Variants in CACNA2D3 observed in about 807,000 individuals in gnomAD.
CACNA2D3 encodes the protein voltage-dependent calcium channel subunit alpha-2/delta-3.
In CACNA2D3, 60 loss-of-function variants were observed where a neutral mutation model predicts 160.6. The observed-to-expected ratio is 0.37, with a 90% CI of 0.30 to 0.46. The LOEUF is 0.46. CACNA2D3 is among the 20% of genes least tolerant of loss of function. CACNA2D3 has a pLI of 1.00. For missense variants in CACNA2D3, 1,205 were observed against 1,365.0 expected (o/e 0.88, Z 1.85); for synonymous variants, 558 against 492.9 (o/e 1.13, Z -1.75).
intron 2 of CACNA2D3, among the ~76,000 whole-genome samples, chr3:54,239,579 A>C (rs1268767924): frequency 6.6e-6 from 1 of 152,246 alleles, no homozygotes; most frequent in African/African-American, 2.4e-5. Flanking sequence ...GATCAGAAGA[A>C]GGGAGATCAT....
intron 10 of CACNA2D3, among the ~76,000 whole-genome samples, chr3:54,640,194 G>C (rs1699484970): frequency 6.6e-6 from 1 of 152,224 alleles, no homozygotes; most frequent in Admixed American, 6.5e-5. Flanking sequence ...CTTGGGCTCA[G>C]AGGCCTGACA....
At chr3:55,016,692 T>G (rs1160528635) in intron 34 of CACNA2D3, among the ~76,000 whole-genome samples, 1 of 152,238 alleles carries the variant, frequency 6.6e-6, no homozygotes, top group Non-Finnish European at 1.5e-5. Context: ...TTAATGTCAG[T>G]GACCAGTTAC....
chr3:54,275,728 G>A (rs950891190), intron 2 of CACNA2D3, among the ~76,000 whole-genome samples: 46 of 151,998 alleles, frequency 3.0e-4, no homozygotes, highest in African/African-American at 9.9e-4. Flanking sequence ...AGCAGTTCTC[G>A]TGCCTCAGCC....
intron 25 of CACNA2D3, among the ~76,000 whole-genome samples, chr3:54,894,918 T>C (rs1700154388): frequency 6.6e-6 from 1 of 151,226 alleles, no homozygotes; most frequent in Admixed American, 6.6e-5. Flanking sequence ...GCACAGGGGA[T>C]CTCTGCACTT....
chr3:54,248,337 C>T (rs921399402), intron 2 of CACNA2D3, among the ~76,000 whole-genome samples: 2 of 151,652 alleles, frequency 1.3e-5, no homozygotes, highest in South Asian at 2.1e-4. Context: ...AAAAATTAGC[C>T]GGGCATGGTG....
At chr3:54,969,989 T>A in intron 29 of CACNA2D3, 145 bp downstream of exon 29, 1 of 603,052 alleles carries the variant, frequency 1.7e-6, no homozygotes, top group Non-Finnish European at 2.8e-6. Context: ...TCATTTGCTT[T>A]ATTTGCTTTG....
intron 31 of CACNA2D3, among the ~76,000 whole-genome samples, chr3:54,992,388 C>G (rs1394938337): frequency 6.6e-6 from 1 of 152,050 alleles, no homozygotes; most frequent in East Asian, 1.9e-4. Context: ...TGCCTACAGC[C>G]CACCCTCCTG....
chr3:54,488,774 T>C (rs1701059909), intron 4 of CACNA2D3, among the ~76,000 whole-genome samples: 1 of 152,174 alleles, frequency 6.6e-6, no homozygotes, highest in African/African-American at 2.4e-5. Flanking sequence ...TCCAAACATG[T>C]ATCTCACACT....
At chr3:54,652,817 G>C (rs1352552080) in intron 11 of CACNA2D3, among the ~76,000 whole-genome samples, 4 of 141,318 alleles carry the variant, frequency 2.8e-5, no homozygotes, top group Non-Finnish European at 6.0e-5. Flanking sequence ...GAGTTTCGCT[G>C]TGTCACCCGG....
chr3:54,424,631 G>A (rs1223435725), intron 4 of CACNA2D3, among the ~76,000 whole-genome samples: 1 of 142,366 alleles, frequency 7.0e-6, no homozygotes, highest in African/African-American at 3.0e-5. Context: ...GCCAGGACCT[G>A]GGGGTGGGCT....
chr3:54,477,242 CT>C (rs899108315), intron 4 of CACNA2D3, among the ~76,000 whole-genome samples: 20 of 145,670 alleles, frequency 1.4e-4, no homozygotes, highest in East Asian at 8.0e-4. Context: ...AAGAACTATC[CT>C]TTTTTTTTTT....
intron 2 of CACNA2D3, among the ~76,000 whole-genome samples, chr3:54,203,520 T>C (rs1701213549): frequency 6.6e-6 from 1 of 152,204 alleles, no homozygotes; most frequent in Admixed American, 6.5e-5. Flanking sequence ...GGTTCTTGCC[T>C]TGGTATACTG....
chr3:54,303,086 G>A (rs1234212502), intron 2 of CACNA2D3, among the ~76,000 whole-genome samples: 1 of 152,008 alleles, frequency 6.6e-6, no homozygotes, highest in African/African-American at 2.4e-5. Flanking sequence ...CTTCATTTTT[G>A]TTAGACTCAC....
intron 13 of CACNA2D3, among the ~76,000 whole-genome samples, chr3:54,808,937 C>A (rs762310959): frequency 2.0e-5 from 3 of 152,116 alleles, no homozygotes; most frequent in African/African-American, 7.2e-5. Context: ...GTTACGAAAT[C>A]AAAGGATGAA....
chr3:54,731,765 G>C (rs980985476), intron 11 of CACNA2D3, among the ~76,000 whole-genome samples: 2 of 152,138 alleles, frequency 1.3e-5, no homozygotes, highest in Middle Eastern at 3.4e-3. Context: ...TAAAATGTCT[G>C]AGTTCTCTGA....
intron 3 of CACNA2D3, among the ~76,000 whole-genome samples, chr3:54,340,423 A>G (rs1704490711): frequency 6.6e-6 from 1 of 152,222 alleles, no homozygotes; most frequent in African/African-American, 2.4e-5. Context: ...TTAACAATCC[A>G]TTTGTCCATG....
At chr3:54,151,302 A>G (rs1369272935) in intron 2 of CACNA2D3, among the ~76,000 whole-genome samples, 3 of 151,558 alleles carry the variant, frequency 2.0e-5, no homozygotes, top group Non-Finnish European at 4.4e-5. Context: ...GGGACGGATA[A>G]TGGATGGATG....
Position 54,188,371 on chromosome 3 carries a change from C to G in CACNA2D3, c.204+64777C>G, listed in dbSNP as rs77675583. Among the ~76,000 whole-genome samples the G allele has an allele frequency of 6.1e-4, 93 of 152,342 alleles. No homozygotes were observed. In the East Asian group the frequency reaches 0.011, roughly 18 times the overall value. Reference sequence around the variant, plus strand: ...CAGCACCAAGGACAGCGACATGCAACCTGTCCAGCTTCAGGACCTGTAAAT... The same window carrying G: ...CAGCACCAAGGACAGCGACATGCAAGCTGTCCAGCTTCAGGACCTGTAAAT... On this transcript the variant is annotated intron_variant, in intron 2 of 37. Transcript: ENST00000474759.
rs116229277 is a variant in CACNA2D3, at chr3:54,273,766, A to G, written c.205-46676A>G. ...CCTTTCTTACACCTGTACTCAGTCC[A>G]GGTCAGTTCCCAGGTGTTTCTTTCA... On this transcript the variant is annotated intron_variant, in intron 2 of 37. Transcript: ENST00000474759. Among the ~76,000 whole-genome samples the G allele has an allele frequency of 9.9e-3, 1,505 of 152,292 alleles. 30 individuals carry two copies. The highest frequency in any genetic ancestry group is 0.035 in the African/African-American group (1,438 of 41,546).
Sources: gnomAD v4.1 joint callset for allele counts (sites outside exome capture counted in the v4.1 genomes callset) on GRCh38, gnomAD v4.1.1 for gene constraint, MANE v1.5 for transcripts, NCBI Gene and HGNC (gene_info 2026-07-23, HGNC 2026-07-21) for gene names.